PRIMA1: variants seen among roughly 807,000 people sequenced by gnomAD.
PRIMA1 encodes proline-rich membrane anchor 1.
A neutral mutation model predicts 17.5 loss-of-function variants in PRIMA1; 7 were observed. That is an observed-to-expected ratio of 0.40 (90% CI 0.23 to 0.75). The LOEUF (loss-of-function observed/expected upper bound fraction) is 0.75. PRIMA1 is among the 30% of genes least tolerant of loss of function. The pLI is 0.37. For missense variants in PRIMA1, 200 were observed against 201.8 expected (o/e 0.99, Z 0.05); for synonymous variants, 97 against 77.9 (o/e 1.25, Z -1.29).
intron 3 of PRIMA1, among the ~76,000 whole-genome samples, chr14:93,756,118 G>C (rs1284427355): frequency 6.6e-6 from 1 of 152,100 alleles, no homozygotes; most frequent in African/African-American, 2.4e-5. Context: ...TGTTGTCCAG[G>C]CTGGTCAACT....
intron 4 of PRIMA1, among the ~76,000 whole-genome samples, chr14:93,725,332 C>G (rs1046460527): frequency 6.6e-6 from 1 of 151,682 alleles, no homozygotes; most frequent in Non-Finnish European, 1.5e-5. Flanking sequence ...TGCTCCCCTC[C>G]TGCCACCGGA....
intron 2 of PRIMA1, among the ~76,000 whole-genome samples, chr14:93,780,874 G>A (rs1337381222): frequency 1.3e-5 from 2 of 152,162 alleles, no homozygotes; most frequent in East Asian, 1.9e-4. Flanking sequence ...CCACCTCCTC[G>A]ACAGCCACGG....
chr14:93,787,502 C>T lies in PRIMA1; in HGVS notation c.93+124G>A. 6 of 1,402,920 alleles carry T rather than the reference C, an allele frequency of 4.3e-6. No individual in the cohort carries two copies. In the South Asian group the frequency reaches 7.6e-5, roughly 18 times the overall value. The allele number at this position is 1,402,920 out of a possible 1,614,324, so 86.9% of individuals were successfully genotyped here. On this transcript the variant is annotated intron_variant, in intron 2 of 4. Coordinates refer to ENST00000393140, the MANE Select transcript of PRIMA1 (RefSeq NM_178013.4). ...AGGGGACCGTAGCAGCTTTTCTTTT[C>T]CCAAGCTCTTCCGAGAACCAATCAG...
chr14:93,782,102 C>A (rs531532237), intron 2 of PRIMA1, among the ~76,000 whole-genome samples: 3 of 152,272 alleles, frequency 2.0e-5, no homozygotes, highest in Non-Finnish European at 2.9e-5. Flanking sequence ...CCTGTCTTTA[C>A]TAAAAATACA....
rs1431442875 is a variant in PRIMA1, at chr14:93,767,302, T to C, written c.229+11874A>G. On this transcript the variant is annotated intron_variant, in intron 3 of 4. Coordinates refer to ENST00000393140, the MANE Select transcript of PRIMA1 (RefSeq NM_178013.4). ...AGTAAGTGGTGGGCTGACTCCCATT[T>C]TACAGATCAGGAAGTTGAGGTTAGT... Among the ~76,000 whole-genome samples the C allele has an allele frequency of 3.3e-5, 5 of 152,216 alleles. No homozygotes were observed. The East Asian group carries it at 9.6e-4, about 29-fold the overall frequency.
chr14:93,746,564 G>A (rs1445675981), intron 3 of PRIMA1, among the ~76,000 whole-genome samples: 1 of 152,068 alleles, frequency 6.6e-6, no homozygotes, highest in Non-Finnish European at 1.5e-5. Context: ...GGACCACATG[G>A]GGCCATGGGG....
At chr14:93,752,239 A>G (rs940169457) in intron 3 of PRIMA1, among the ~76,000 whole-genome samples, 1 of 152,208 alleles carries the variant, frequency 6.6e-6, no homozygotes, top group African/African-American at 2.4e-5. Flanking sequence ...CAAGGCAGGT[A>G]TCATTAGAAC....
intron 3 of PRIMA1, among the ~76,000 whole-genome samples, chr14:93,773,166 A>G (rs184943599): frequency 6.6e-5 from 10 of 152,334 alleles, no homozygotes; most frequent in Non-Finnish European, 1.5e-4. Context: ...GCGCTACATA[A>G]TACCACCTTT....
At chr14:93,781,993 C>T (rs1035564024) in intron 2 of PRIMA1, among the ~76,000 whole-genome samples, 1 of 135,184 alleles carries the variant, frequency 7.4e-6, no homozygotes, top group South Asian at 2.6e-4. Context: ...TAAGGCCGGG[C>T]GCAGTGGCTC....
chr14:93,787,728 C>A lies in PRIMA1; in HGVS notation c.-10G>T. ...AGTCCCGGAGGAGCATCTCGGCCAGCGGCGCCCGCTCCTGGGGCGAACTGT... is the reference window on the plus strand; with the variant it reads ...AGTCCCGGAGGAGCATCTCGGCCAGAGGCGCCCGCTCCTGGGGCGAACTGT... On this transcript the variant is annotated 5_prime_UTR_variant, in exon 2 of 5. Coordinates refer to ENST00000393140, the MANE Select transcript of PRIMA1 (RefSeq NM_178013.4). 1 of 1,542,144 alleles carries A rather than the reference C, an allele frequency of 6.5e-7. No individual in the cohort carries two copies. Among genetic ancestry groups the A allele is most frequent in the Admixed American group, 2.0e-5 (1 of 50,964 alleles).
intron 3 of PRIMA1, among the ~76,000 whole-genome samples, chr14:93,739,423 C>G (rs1050245224): frequency 1.1e-4 from 17 of 152,180 alleles, no homozygotes; most frequent in African/African-American, 3.6e-4. Flanking sequence ...TTGAATAGAA[C>G]TGCTATAAGC....
At chr14:93,729,797 G>A (rs1303828944) in intron 4 of PRIMA1, among the ~76,000 whole-genome samples, 3 of 152,196 alleles carry the variant, frequency 2.0e-5, no homozygotes, top group East Asian at 1.9e-4. Flanking sequence ...GCGCAGGTGG[G>A]AGAGAGGCTG....
intron 4 of PRIMA1, 33 bp downstream of exon 4, chr14:93,737,208 G>T (rs1464216511): frequency 1.9e-6 from 3 of 1,610,760 alleles, no homozygotes; most frequent in African/African-American, 2.7e-5. Context: ...GTTCCCTTCG[G>T]CTTGAAGCTG....
chr14:93,737,805 A>AGGGATGGAATACC (rs1167723039), intron 3 of PRIMA1, among the ~76,000 whole-genome samples: 5 of 152,318 alleles, frequency 3.3e-5, no homozygotes, highest in Admixed American at 2.0e-4. Context: ...TGCTCAGAGC[A>AGGGATGGAATACC]GGGGCTGAGC....
intron 4 of PRIMA1, among the ~76,000 whole-genome samples, chr14:93,731,216 A>G (rs1475312459): frequency 6.6e-6 from 1 of 152,220 alleles, no homozygotes; most frequent in Non-Finnish European, 1.5e-5. Context: ...GAAGAGGGGA[A>G]GTATGTTGTA....
chr14:93,787,524 T>A, intron 2 of PRIMA1, 102 bp downstream of exon 2: 1 of 1,487,520 alleles, frequency 6.7e-7, no homozygotes, highest in Non-Finnish European at 9.1e-7. Context: ...CGAGAACCAA[T>A]CAGTGGGGTG....
At chr14:93,777,751 T>C (rs931417409) in intron 3 of PRIMA1, among the ~76,000 whole-genome samples, 3 of 152,210 alleles carry the variant, frequency 2.0e-5, no homozygotes, top group South Asian at 4.1e-4. Context: ...CTCAGGCCAC[T>C]CTTTGTGGGT....
chr14:93,753,091 G>C (rs975857102), intron 3 of PRIMA1, among the ~76,000 whole-genome samples: 1 of 152,180 alleles, frequency 6.6e-6, no homozygotes, highest in African/African-American at 2.4e-5. Flanking sequence ...CTCTTTCCTG[G>C]CTTCTGCACT....
chr14:93,772,296 C>A (rs1885092877), intron 3 of PRIMA1, among the ~76,000 whole-genome samples: 1 of 152,262 alleles, frequency 6.6e-6, no homozygotes, highest in African/African-American at 2.4e-5. Flanking sequence ...TCTGATCTTT[C>A]CAAGAACAAA....
Sources: gnomAD v4.1 joint callset for allele counts (sites outside exome capture counted in the v4.1 genomes callset) on GRCh38, gnomAD v4.1.1 for gene constraint, MANE v1.5 for transcripts, NCBI Gene and HGNC (gene_info 2026-07-23, HGNC 2026-07-21) for gene names.